Variants in LARP4B observed in about 807,000 individuals in gnomAD.
LARP4B encodes the protein La ribonucleoprotein 4B.
LARP4B carries 12 observed loss-of-function variants against 89.8 expected under a neutral mutation model. That is an observed-to-expected ratio of 0.13 (90% CI 0.09 to 0.22). The LOEUF (loss-of-function observed/expected upper bound fraction) is 0.22, where lower values mean the gene tolerates loss of function less well. Ranked by LOEUF, LARP4B falls within the 10% of genes least tolerant of loss-of-function variation. The probability of loss-of-function intolerance (pLI) is 1.00; values close to 1 mark genes in which losing one functional copy is unlikely to be tolerated. For missense variants in LARP4B, 757 were observed against 947.7 expected, an observed-to-expected ratio of 0.80 and a Z score of 2.64; for synonymous variants, 367 against 363.3, an observed-to-expected ratio of 1.01 and a Z score of -0.12.
chr10:921,036 G>A (rs555182854), intron 1 of LARP4B, among the ~76,000 whole-genome samples: 1 of 152,254 alleles, frequency 6.6e-6, no homozygotes, highest in East Asian at 1.9e-4. Flanking sequence ...CACTTTGGGA[G>A]GCCAAGGCAG....
At chr10:901,136 C>T (rs954103559) in intron 1 of LARP4B, among the ~76,000 whole-genome samples, 3 of 146,280 alleles carry the variant, frequency 2.1e-5, no homozygotes, top group African/African-American at 7.6e-5. Flanking sequence ...GGCCTGGTTT[C>T]GAACTCCTGA....
intron 3 of LARP4B, chr10:870,135 T>C (rs1835128107): frequency 4.6e-6 from 3 of 659,180 alleles, no homozygotes. Flanking sequence ...AGATCCTCAC[T>C]AAATATTGTT....
At chr10:911,140 G>A (rs1317972289) in intron 1 of LARP4B, among the ~76,000 whole-genome samples, 1 of 152,208 alleles carries the variant, frequency 6.6e-6, no homozygotes, top group African/African-American at 2.4e-5. Context: ...GTTGTGAGCA[G>A]CAGTAGCCAA....
chr10:901,782 C>G (rs1242905212), intron 1 of LARP4B, among the ~76,000 whole-genome samples: 1 of 152,010 alleles, frequency 6.6e-6, no homozygotes. Context: ...GTAAAATGTC[C>G]TTTATATGTG....
intron 1 of LARP4B, among the ~76,000 whole-genome samples, chr10:886,302 C>T (rs912195919): frequency 6.6e-6 from 1 of 152,198 alleles, no homozygotes; most frequent in African/African-American, 2.4e-5. Flanking sequence ...TGACTATTAT[C>T]AGTCAGACAA....
chr10:862,182 T>A (rs547401493), intron 5 of LARP4B, among the ~76,000 whole-genome samples: 1 of 149,808 alleles, frequency 6.7e-6, no homozygotes, highest in Non-Finnish European at 1.5e-5. Flanking sequence ...AAGCATGGCT[T>A]AATTTTTGTA....
chr10:836,772 G>T (rs1005006303), intron 7 of LARP4B, among the ~76,000 whole-genome samples: 9 of 152,202 alleles, frequency 5.9e-5, no homozygotes, highest in Admixed American at 3.9e-4. Flanking sequence ...AGGGTTAACG[G>T]CTTTCTCCTT....
Position 821,066 on chromosome 10 carries a change from T to C in LARP4B, c.1485-221A>G. 3 of 561,996 alleles carry C rather than the reference T, an allele frequency of 5.3e-6. No individual in the cohort carries two copies. In the East Asian group the frequency reaches 9.0e-5, roughly 17 times the overall value. The allele number at this position is 561,996 out of a possible 1,614,324, so 34.8% of individuals were successfully genotyped here. A position where few individuals can be genotyped will look rare whatever the true frequency, so the allele number is the denominator to read the frequency against. On this transcript the variant is annotated intron_variant, in intron 13 of 17. Transcript: ENST00000316157. ...GGACTAACGTGGAAGTCCAGGCAAG[T>C]GATAAAGAACAGAAGAAAACACTGA...
chr10:927,942 G>A lies in LARP4B; in HGVS notation c.-40+3486C>T, dbSNP rs1378199624. Among the ~76,000 whole-genome samples, 6 of 152,136 alleles carry A rather than the reference G, an allele frequency of 3.9e-5. No individual in the cohort carries two copies. In the East Asian group the frequency reaches 9.6e-4, roughly 24 times the overall value. On this transcript the variant is annotated intron_variant, in intron 1 of 17. Transcript: ENST00000316157. ...ACTTGTACCTTTGGCCAGGTACGCC[G>A]TGGCTCACGCCTGCAATCCCAGCAC...
At chr10:928,493 C>CA (rs1243677469) in intron 1 of LARP4B, among the ~76,000 whole-genome samples, 2 of 152,184 alleles carry the variant, frequency 1.3e-5, no homozygotes, top group Non-Finnish European at 2.9e-5. Context: ...CCTATCACTA[C>CA]AAAAACTTGC....
At chr10:807,236 A>G (rs1831589508), downstream of LARP4B, 1 of 152,232 alleles carries the variant, frequency 6.6e-6, no homozygotes. Flanking sequence ...CCGTTAGGAC[A>G]GGGGTGAGGA....
chr10:914,123 A>G (rs1488115051), intron 1 of LARP4B, among the ~76,000 whole-genome samples: 1 of 152,212 alleles, frequency 6.6e-6, no homozygotes, highest in Non-Finnish European at 1.5e-5. Flanking sequence ...TAGGTTATAA[A>G]CAAAAATTGA....
the LARP4B span, among the ~76,000 whole-genome samples, chr10:963,419 G>A: frequency 1.3e-5 from 2 of 152,192 alleles, no homozygotes; most frequent in Non-Finnish European, 2.9e-5. Context: ...GGCTTGGGGA[G>A]CTGGGGCCCT....
At chr10:881,100 G>A (rs1299031743) in intron 3 of LARP4B, among the ~76,000 whole-genome samples, 1 of 152,178 alleles carries the variant, frequency 6.6e-6, no homozygotes, top group Non-Finnish European at 1.5e-5. Flanking sequence ...TGCTATAGAT[G>A]AAGTTTGTGG....
chr10:959,381 TC>T, the LARP4B span, among the ~76,000 whole-genome samples: 131 of 109,498 alleles, frequency 1.2e-3, 4 homozygotes, highest in South Asian at 0.014. Context: ...TCCTCATCAA[TC>T]CCACCTCCTC....
At chr10:965,459 T>C in the LARP4B span, among the ~76,000 whole-genome samples, 2 of 151,930 alleles carry the variant, frequency 1.3e-5, no homozygotes, top group Non-Finnish European at 2.9e-5. Context: ...GGTTACACAA[T>C]TCGAAGGCGA....
chr10:860,127 T>TGGGGGGGGGGGGGGGGGGG (rs60607691), intron 5 of LARP4B, among the ~76,000 whole-genome samples: 1 of 96,204 alleles, frequency 1.0e-5, no homozygotes, highest in South Asian at 4.1e-4. Flanking sequence ...TGTGTGGGGG[T>TGGGGGGGGGGGGGGGGGGG]GGGGGGGAGG....
intron 1 of LARP4B, among the ~76,000 whole-genome samples, chr10:895,333 TAATGA>T (rs1445311211): frequency 5.3e-5 from 8 of 152,010 alleles, no homozygotes; most frequent in African/African-American, 1.2e-4. Context: ...AAATTTGTAT[TAATGA>T]AATAATACTA....
intron 1 of LARP4B, among the ~76,000 whole-genome samples, chr10:906,005 A>G (rs141936103): frequency 1.1e-3 from 175 of 152,360 alleles, no homozygotes; most frequent in African/African-American, 3.9e-3. Flanking sequence ...TGCAATCAAA[A>G]GAAATAGTAA....
Sources: allele counts gnomAD v4.1 joint callset (sites outside exome capture counted in the v4.1 genomes callset), GRCh38; gene constraint gnomAD v4.1.1; transcripts MANE v1.5; gene names NCBI Gene and HGNC (gene_info 2026-07-23, HGNC 2026-07-21).